DPP6: variants seen among roughly 807,000 people sequenced by gnomAD.
The protein encoded by DPP6 is A-type potassium channel modulatory protein DPP6.
Under a neutral mutation model 122.6 loss-of-function variants are expected in DPP6, and 69 were observed. The ratio of observed to expected loss-of-function variants is 0.56; its 90% CI spans 0.46 to 0.69. The LOEUF is 0.69. Among genes scored for constraint, DPP6 ranks in the 30% least tolerant of loss-of-function variants. The probability of loss-of-function intolerance (pLI) is 0.00; values close to 1 mark genes in which losing one functional copy is unlikely to be tolerated. For synonymous variants in DPP6, 418 were observed against 433.1 expected (o/e 0.97, Z 0.43); for missense variants, 928 against 1,116.9 (o/e 0.83, Z 2.41).
chr7:154,286,324 C>T (rs916818212), intron 1 of DPP6, among the ~76,000 whole-genome samples: 1 of 152,100 alleles, frequency 6.6e-6, no homozygotes, highest in African/African-American at 2.4e-5. Context: ...TTTTGTGGCA[C>T]TGAACTCACG....
chr7:154,213,191 T>C (rs988745865), intron 1 of DPP6, among the ~76,000 whole-genome samples: 1 of 152,116 alleles, frequency 6.6e-6, no homozygotes, highest in Admixed American at 6.5e-5. Flanking sequence ...AATCCAGACC[T>C]GCAGCTTCAA....
chr7:154,337,437 C>T (rs368427379), intron 1 of DPP6, among the ~76,000 whole-genome samples: 4 of 152,316 alleles, frequency 2.6e-5, no homozygotes, highest in East Asian at 1.9e-4. Context: ...GCAGCATTTG[C>T]CCACAATCTG....
At chr7:153,925,359 C>A (rs1800839857) in intron 1 of DPP6, among the ~76,000 whole-genome samples, 1 of 148,722 alleles carries the variant, frequency 6.7e-6, no homozygotes, top group Non-Finnish European at 1.5e-5. Flanking sequence ...GTTGAGGGTC[C>A]CTGCAGTTCT....
rs756808889 is a variant in DPP6, at chr7:154,596,020, G to A, written c.627+29104G>A. Reference sequence around the variant, plus strand: ...AGGTTACAGTGAGCCAAGATGTGCCGCTACACTCCTGCCTGGGTGACAGAG... The same window carrying A: ...AGGTTACAGTGAGCCAAGATGTGCCACTACACTCCTGCCTGGGTGACAGAG... On this transcript the variant is annotated intron_variant, in intron 5 of 25. Coordinates refer to ENST00000377770, the MANE Select transcript of DPP6 (RefSeq NM_130797.4). Among the ~76,000 whole-genome samples the A allele has an allele frequency of 6.6e-5, 10 of 152,110 alleles. No homozygotes were observed. The East Asian group carries it at 9.6e-4, about 15-fold the overall frequency.
rs1281327051 is a variant in DPP6 at position 154,483,270 on chromosome 7, C to T, written c.457+8233C>T. Among the ~76,000 whole-genome samples the T allele has an allele frequency of 1.3e-5, 2 of 152,160 alleles. No homozygotes were observed. On this transcript the variant is annotated intron_variant, in intron 3 of 25. Transcript: ENST00000377770. The surrounding 1 kb of genome is among the most constrained non-coding windows in gnomAD (Gnocchi z 8.1). Reference sequence around the variant, plus strand: ...GAAAAACCACCCCACGGTGGCCACGCACCTCTTCCTGGCTCACAGCCCCAG... The same window carrying T: ...GAAAAACCACCCCACGGTGGCCACGTACCTCTTCCTGGCTCACAGCCCCAG...
At chr7:154,367,191 G>A (rs1812260820) in intron 1 of DPP6, among the ~76,000 whole-genome samples, 1 of 152,152 alleles carries the variant, frequency 6.6e-6, no homozygotes, top group African/African-American at 2.4e-5. Flanking sequence ...GACAGGTGGG[G>A]GCAGATGTGG....
At chr7:154,203,606 C>T (rs552595367) in intron 1 of DPP6, among the ~76,000 whole-genome samples, 17 of 152,304 alleles carry the variant, frequency 1.1e-4, no homozygotes, top group African/African-American at 4.1e-4. Flanking sequence ...AAGCAAGCGA[C>T]ATATCCTAAT....
At chr7:153,976,145 G>C (rs1796288949) in intron 1 of DPP6, among the ~76,000 whole-genome samples, 1 of 152,072 alleles carries the variant, frequency 6.6e-6, no homozygotes, top group African/African-American at 2.4e-5. Context: ...ACCTGAGTAA[G>C]GGTGAAGGAG....
At chr7:154,080,047 C>T (rs915728935) in intron 1 of DPP6, among the ~76,000 whole-genome samples, 1 of 150,700 alleles carries the variant, frequency 6.6e-6, no homozygotes, top group African/African-American at 2.4e-5. Flanking sequence ...CACGAGATAG[C>T]GCAGGCTGGG....
At chr7:154,091,327 C>T (rs567764708) in intron 1 of DPP6, among the ~76,000 whole-genome samples, 1 of 152,240 alleles carries the variant, frequency 6.6e-6, no homozygotes, top group South Asian at 2.1e-4. Context: ...AATCTCAGTC[C>T]AGCAGCCAAG....
At chr7:154,324,003 A>C (rs1808201032) in intron 1 of DPP6, among the ~76,000 whole-genome samples, 1 of 152,240 alleles carries the variant, frequency 6.6e-6, no homozygotes, top group Admixed American at 6.5e-5. Context: ...ATATTTTCCA[A>C]TGACACTTAA....
the DPP6 span, among the ~76,000 whole-genome samples, chr7:153,843,154 A>C: frequency 2.0e-5 from 3 of 152,076 alleles, no homozygotes; most frequent in Non-Finnish European, 4.4e-5. Context: ...ACGTGCATGC[A>C]CATATGTGCA....
intron 20 of DPP6, among the ~76,000 whole-genome samples, chr7:154,879,435 A>AC: frequency 1.5e-5 from 2 of 134,490 alleles, no homozygotes; most frequent in Non-Finnish European, 3.1e-5. Context: ...AAAAAAATAC[A>AC]AAAAATTAGC....
chr7:154,323,502 A>T (rs912003979), intron 1 of DPP6, among the ~76,000 whole-genome samples: 1 of 152,206 alleles, frequency 6.6e-6, no homozygotes, highest in Middle Eastern at 3.2e-3. Flanking sequence ...CACAAAAGGT[A>T]CATGTCTATT....
At chr7:153,853,258 T>C in the DPP6 span, among the ~76,000 whole-genome samples, 1 of 152,228 alleles carries the variant, frequency 6.6e-6, no homozygotes, top group African/African-American at 2.4e-5. Flanking sequence ...CCTGTGCACG[T>C]TTGATATCAT....
intron 10 of DPP6, among the ~76,000 whole-genome samples, chr7:154,779,180 A>T (rs1461068349): frequency 4.5e-4 from 18 of 39,934 alleles, no homozygotes; most frequent in African/African-American, 1.7e-3. Flanking sequence ...TACCACATCC[A>T]TCACCCCCAC....
intron 15 of DPP6, 66 bp from the exon 16 acceptor site, chr7:154,806,928 C>A: frequency 6.3e-7 from 1 of 1,577,044 alleles, no homozygotes; most frequent in Admixed American, 1.7e-5. Context: ...CACCAGCTTG[C>A]GGCACCCAGC....
chr7:153,939,565 G>T (rs967373814), intron 1 of DPP6, among the ~76,000 whole-genome samples: 3 of 152,178 alleles, frequency 2.0e-5, no homozygotes, highest in African/African-American at 7.2e-5. Context: ...CACTCAGGCT[G>T]GGGTTAGGGA....
chr7:154,140,674 C>T (rs1176627286), intron 1 of DPP6, among the ~76,000 whole-genome samples: 1 of 152,102 alleles, frequency 6.6e-6, no homozygotes, highest in African/African-American at 2.4e-5. Context: ...CCAGTCTATA[C>T]ACAATAACCT....
Sources: allele counts gnomAD v4.1 joint callset (sites outside exome capture counted in the v4.1 genomes callset), GRCh38; gene constraint gnomAD v4.1.1; non-coding constraint Gnocchi (gnomAD v3.1); transcripts MANE v1.5; gene names NCBI Gene and HGNC (gene_info 2026-07-23, HGNC 2026-07-21).